CNTLN: variants seen among roughly 807,000 people sequenced by gnomAD.
The protein encoded by CNTLN is centlein, centrosomal protein.
CNTLN carries 212 observed loss-of-function variants against 180.0 expected under a neutral mutation model. That is an observed-to-expected ratio of 1.18 (90% CI 1.05 to 1.32). The LOEUF (loss-of-function observed/expected upper bound fraction) is 1.32. CNTLN is among the 40% of genes most tolerant of loss of function. CNTLN has a pLI of 0.00. For synonymous variants in CNTLN, 722 were observed against 563.1 expected (o/e 1.28, Z -3.99); for missense variants, 2,095 against 1,610.9 (o/e 1.30, Z -5.14).
At chr9:17,427,280 CT>C (rs1355460171) in intron 18 of CNTLN, among the ~76,000 whole-genome samples, 1 of 145,106 alleles carries the variant, frequency 6.9e-6, no homozygotes, top group Non-Finnish European at 1.5e-5. Context: ...TGAGTTGCTG[CT>C]TCTTTTTTTT....
chr9:17,157,163 A>C (rs896269264), intron 2 of CNTLN, among the ~76,000 whole-genome samples: 2 of 152,206 alleles, frequency 1.3e-5, no homozygotes, highest in Admixed American at 1.3e-4. Context: ...ATGTTTTGAG[A>C]AGACTCTTTT....
chr9:17,206,689 A>T (rs1372534997), intron 2 of CNTLN, among the ~76,000 whole-genome samples: 3 of 152,140 alleles, frequency 2.0e-5, no homozygotes, highest in Admixed American at 2.0e-4. Flanking sequence ...ATTTGAACTC[A>T]ATTGACCATT....
At chr9:17,305,357 G>T (rs552595973) in intron 7 of CNTLN, among the ~76,000 whole-genome samples, 2 of 151,944 alleles carry the variant, frequency 1.3e-5, no homozygotes, top group African/African-American at 4.8e-5. Flanking sequence ...TTATCCATTC[G>T]AGCTTTTTGG....
downstream of CNTLN, among the ~76,000 whole-genome samples, chr9:17,508,442 T>G (rs915083920): frequency 6.6e-6 from 1 of 152,166 alleles, no homozygotes; most frequent in Non-Finnish European, 1.5e-5. Context: ...GTTTTTACAT[T>G]CACTTCGTTG....
intron 13 of CNTLN, among the ~76,000 whole-genome samples, chr9:17,368,343 G>C (rs1399376226): frequency 1.3e-5 from 2 of 152,140 alleles, no homozygotes; most frequent in East Asian, 3.9e-4. Flanking sequence ...TAGAACACCA[G>C]GTGGATTTCT....
rs780553498 is a variant in CNTLN, at chr9:17,201,540, G to A, written c.450-24663G>A. Among the ~76,000 whole-genome samples, 7 of 152,134 alleles carry A rather than the reference G, an allele frequency of 4.6e-5. No individual in the cohort carries two copies. In the East Asian group the frequency reaches 1.2e-3, roughly 25 times the overall value. ...TTGTTATTGGTCTATTCAGGGATTCGACTTCTTTCTGGTTTAGTCTTGGGA... is the reference window on the plus strand; with the variant it reads ...TTGTTATTGGTCTATTCAGGGATTCAACTTCTTTCTGGTTTAGTCTTGGGA... On this transcript the variant is annotated intron_variant, in intron 2 of 25. Coordinates refer to ENST00000380647, the MANE Select transcript of CNTLN (RefSeq NM_017738.4).
rs143977657 is a variant in CNTLN at position 17,318,985 on chromosome 9, T to G, written c.1341+9733T>G. Among the ~76,000 whole-genome samples, 599 of 152,294 alleles carry G rather than the reference T, an allele frequency of 3.9e-3. 3 individuals are homozygous for G. Among genetic ancestry groups the G allele is most frequent in the African/African-American group, 0.013 (532 of 41,556 alleles). ...ACACCATTTATGTTTCTATGAATCTTATAGATAGGAATGCAGATAGAAAAT... is the reference window on the plus strand; with the variant it reads ...ACACCATTTATGTTTCTATGAATCTGATAGATAGGAATGCAGATAGAAAAT... On this transcript the variant is annotated intron_variant, in intron 8 of 25. Coordinates refer to ENST00000380647, the MANE Select transcript of CNTLN (RefSeq NM_017738.4).
At chr9:17,357,594 A>ATAAAT (rs199696459) in intron 12 of CNTLN, among the ~76,000 whole-genome samples, 2 of 87,372 alleles carry the variant, frequency 2.3e-5, no homozygotes, top group Admixed American at 1.4e-4. Context: ...ATATATATAT[A>ATAAAT]AATACTACAT....
At position 17,466,694 on chromosome 9, in the gene CNTLN, G is replaced by A; in HGVS notation, c.3670-12G>A. 1 of 1,600,008 alleles carries A rather than the reference G, an allele frequency of 6.2e-7. No individual in the cohort carries two copies. The highest frequency in any genetic ancestry group is 8.5e-7 in the Non-Finnish European group (1 of 1,172,852). ...AAATATCTTTTATTTTATGACTGCT[G>A]ATCTTTTGCAGGATCTCAAGCTTAC... is the stretch of plus-strand genomic sequence containing the variant. On this transcript the variant is annotated splice_polypyrimidine_tract_variant and intron_variant, in intron 22 of 25. Coordinates refer to ENST00000380647, the MANE Select transcript of CNTLN (RefSeq NM_017738.4).
chr9:17,163,545 G>C (rs1819832233), intron 2 of CNTLN, among the ~76,000 whole-genome samples: 2 of 152,050 alleles, frequency 1.3e-5, no homozygotes. Context: ...TCAGTTTGTT[G>C]CCTTTTCCAT....
At chr9:17,459,086 A>G (rs1421980621) in intron 19 of CNTLN, among the ~76,000 whole-genome samples, 1 of 151,876 alleles carries the variant, frequency 6.6e-6, no homozygotes, top group Non-Finnish European at 1.5e-5. Context: ...CCAAGATAAA[A>G]TAGAGTGCTA....
chr9:17,511,513 T>A, the CNTLN span, among the ~76,000 whole-genome samples: 1 of 152,188 alleles, frequency 6.6e-6, no homozygotes, highest in Admixed American at 6.5e-5. Flanking sequence ...TTGGCAGGAT[T>A]CAGTTCCACA....
chr9:17,218,117 T>C (rs1823885509), intron 2 of CNTLN, among the ~76,000 whole-genome samples: 1 of 152,168 alleles, frequency 6.6e-6, no homozygotes, highest in African/African-American at 2.4e-5. Context: ...GTTTGCCAAC[T>C]TCTCCAGCAC....
At chr9:17,445,913 CA>C (rs1347916971) in intron 18 of CNTLN, among the ~76,000 whole-genome samples, 4 of 152,206 alleles carry the variant, frequency 2.6e-5, no homozygotes. Flanking sequence ...TTGTATGCTC[CA>C]TCTACTGAGA....
chr9:17,441,759 G>A (rs979113253), intron 18 of CNTLN, among the ~76,000 whole-genome samples: 10 of 151,930 alleles, frequency 6.6e-5, no homozygotes, highest in African/African-American at 1.2e-4. Flanking sequence ...GAGAGTTGCC[G>A]AATGGATTAA....
intron 2 of CNTLN, among the ~76,000 whole-genome samples, chr9:17,205,287 T>C (rs747563373): frequency 6.6e-6 from 1 of 152,116 alleles, no homozygotes; most frequent in Non-Finnish European, 1.5e-5. Flanking sequence ...TAAATGGCAA[T>C]GCAGATATAA....
At chr9:17,249,122 C>T (rs1183105603) in intron 5 of CNTLN, among the ~76,000 whole-genome samples, 1 of 151,962 alleles carries the variant, frequency 6.6e-6, no homozygotes, top group Non-Finnish European at 1.5e-5. Flanking sequence ...GTTTGCTATT[C>T]TGTTTCTGGG....
intron 12 of CNTLN, among the ~76,000 whole-genome samples, chr9:17,362,372 C>T (rs1823468355): frequency 6.6e-6 from 1 of 152,114 alleles, no homozygotes; most frequent in African/African-American, 2.4e-5. Flanking sequence ...ATGTGTTCCT[C>T]CTATCAATCT....
chr9:17,394,629 G>T lies in CNTLN; in HGVS notation c.2175G>T (p.Leu725=). ...AATTAATGAAAGAAAATGATTTTCT[G>T]AAATCCCTCTTAAAACAGCAACAAG... is the stretch of plus-strand genomic sequence containing the variant. The part of the protein sequence containing the change: ...NKKLMKENDF[L]KSLLKQQQED... Residue 725 remains leucine, a synonymous_variant, in exon 15 of 26, where the codon CTG becomes CTT. Transcript: ENST00000380647. The T allele has an allele frequency of 6.2e-7, 1 of 1,605,676 alleles. No homozygotes were observed. The highest frequency in any genetic ancestry group is 1.1e-5 in the South Asian group (1 of 88,112).
Sources: allele counts gnomAD v4.1 joint callset (sites outside exome capture counted in the v4.1 genomes callset), GRCh38; gene constraint gnomAD v4.1.1; transcripts MANE v1.5; gene names NCBI Gene and HGNC (gene_info 2026-07-23, HGNC 2026-07-21).